Variants in AGBL1 observed in about 807,000 individuals in gnomAD.
AGBL1 encodes AGBL carboxypeptidase 1.
AGBL1 carries 130 observed loss-of-function variants against 118.9 expected under a neutral mutation model. The ratio of observed to expected loss-of-function variants is 1.09; its 90% CI spans 0.95 to 1.26. The LOEUF is 1.26. Among genes scored for constraint, AGBL1 ranks in the 50% most tolerant of loss-of-function variants. The probability of loss-of-function intolerance (pLI) is 0.00; values close to 1 mark genes in which losing one functional copy is unlikely to be tolerated. For missense variants in AGBL1, 1,584 were observed against 1,298.1 expected (o/e 1.22, Z -3.38); for synonymous variants, 555 against 478.9 (o/e 1.16, Z -2.08).
rs373055039 is a variant in AGBL1, at chr15:86,375,913, G to T, written c.2375-21453G>T. On this transcript the variant is annotated intron_variant, in intron 17 of 22. Coordinates refer to ENST00000614907, the MANE Select transcript of AGBL1 (RefSeq NM_001386094.1). ...GCTAGGCAGGGCTCATGTTGGGAAAGGAAGGGTGGAGTCCTATTTGACGCA... is the reference window on the plus strand; with the variant it reads ...GCTAGGCAGGGCTCATGTTGGGAAATGAAGGGTGGAGTCCTATTTGACGCA... Among the ~76,000 whole-genome samples, 34 of 152,354 alleles carry T rather than the reference G, an allele frequency of 2.2e-4. No homozygotes were observed. The South Asian group carries it at 7.0e-3, about 32-fold the overall frequency.
chr15:86,340,374 T>C (rs2080443843), intron 17 of AGBL1, among the ~76,000 whole-genome samples: 1 of 152,104 alleles, frequency 6.6e-6, no homozygotes, highest in Non-Finnish European at 1.5e-5. Context: ...TGAAATTAAT[T>C]AAGGGTCTTG....
intron 22 of AGBL1, among the ~76,000 whole-genome samples, chr15:86,763,090 T>C (rs997156381): frequency 6.6e-6 from 1 of 152,040 alleles, no homozygotes; most frequent in Admixed American, 6.6e-5. Context: ...TGTTTGGAGT[T>C]GCATTACTGT....
intron 21 of AGBL1, among the ~76,000 whole-genome samples, chr15:86,594,282 T>G (rs1212264338): frequency 6.6e-6 from 1 of 152,192 alleles, no homozygotes; most frequent in Non-Finnish European, 1.5e-5. Context: ...TATCTTTTCA[T>G]ATGTTGCTAG....
At chr15:86,482,230 C>T (rs1463548023) in intron 18 of AGBL1, among the ~76,000 whole-genome samples, 1 of 152,114 alleles carries the variant, frequency 6.6e-6, no homozygotes, top group East Asian at 1.9e-4. Context: ...CCTGAATGCT[C>T]AGGTGTAGTT....
chr15:86,507,292 C>T (rs1485713264), intron 18 of AGBL1, among the ~76,000 whole-genome samples: 1 of 152,066 alleles, frequency 6.6e-6, no homozygotes, highest in Non-Finnish European at 1.5e-5. Flanking sequence ...TCCATTAATA[C>T]CATATCTGTA....
intron 22 of AGBL1, among the ~76,000 whole-genome samples, chr15:86,759,953 G>C (rs1419904658): frequency 6.6e-6 from 1 of 152,014 alleles, no homozygotes. Flanking sequence ...TGAGGTGTGT[G>C]GTTATTTTTA....
chr15:86,361,564 T>C (rs2080805627), intron 17 of AGBL1, among the ~76,000 whole-genome samples: 1 of 152,124 alleles, frequency 6.6e-6, no homozygotes, highest in African/African-American at 2.4e-5. Context: ...CCTACTATTA[T>C]TGTGTTGATG....
In AGBL1 at chr15:86,494,819, A is replaced by G. The variant is rs536559284; in HGVS notation, c.2556-27991A>G. Among the ~76,000 whole-genome samples the G allele has an allele frequency of 7.0e-4, 106 of 152,194 alleles. 1 individual carries two copies. The highest frequency in any genetic ancestry group is 2.2e-3 in the African/African-American group (92 of 41,566). ...GGTATATCAGGAGCCATTATTACTC[A>G]TGTGTTTGTTTTGTTTTATTAAATA... is the stretch of plus-strand genomic sequence containing the variant. On this transcript the variant is annotated intron_variant, in intron 18 of 22. Transcript: ENST00000614907.
intron 22 of AGBL1, among the ~76,000 whole-genome samples, chr15:86,679,517 A>T (rs893930573): frequency 6.6e-6 from 1 of 152,044 alleles, no homozygotes; most frequent in East Asian, 1.9e-4. Context: ...AGTATCATTT[A>T]TAATTTTTGA....
At chr15:86,546,220 A>ATTT in intron 20 of AGBL1, 87 bp downstream of exon 20, 2 of 1,079,590 alleles carry the variant, frequency 1.9e-6, no homozygotes, top group Non-Finnish European at 2.4e-6. Context: ...TCATTTATTT[A>ATTT]GTTTTTTTTT....
chr15:86,634,129 G>A (rs2085036862), intron 21 of AGBL1, among the ~76,000 whole-genome samples: 1 of 152,052 alleles, frequency 6.6e-6, no homozygotes, highest in African/African-American at 2.4e-5. Context: ...GTAACGTGGT[G>A]AAATCACTTT....
At chr15:86,131,334 C>T (rs1431778077) in intron 1 of AGBL1, among the ~76,000 whole-genome samples, 2 of 152,118 alleles carry the variant, frequency 1.3e-5, no homozygotes, top group Non-Finnish European at 2.9e-5. Flanking sequence ...CTTGGTGGTA[C>T]ACATGACAAA....
intron 21 of AGBL1, among the ~76,000 whole-genome samples, chr15:86,576,152 A>C (rs930817705): frequency 6.6e-6 from 1 of 152,198 alleles, no homozygotes; most frequent in Non-Finnish European, 1.5e-5. Flanking sequence ...TGGGTAAATT[A>C]TTTATGCTTT....
At chr15:86,506,293 T>G (rs2082976464) in intron 18 of AGBL1, among the ~76,000 whole-genome samples, 1 of 152,032 alleles carries the variant, frequency 6.6e-6, no homozygotes, top group South Asian at 2.1e-4. Context: ...TCTAGAAATA[T>G]TTTAGAGCTT....
intron 18 of AGBL1, among the ~76,000 whole-genome samples, chr15:86,454,426 C>A (rs1465695216): frequency 6.6e-6 from 1 of 152,088 alleles, no homozygotes; most frequent in African/African-American, 2.4e-5. Context: ...TCCCCAAGAG[C>A]AATAAAAACA....
chr15:86,326,233 G>A (rs922430148), intron 17 of AGBL1, among the ~76,000 whole-genome samples: 6 of 151,880 alleles, frequency 4.0e-5, no homozygotes, highest in Non-Finnish European at 7.4e-5. Context: ...TAGACATAAT[G>A]TATACCCTTT....
rs138608425 is a variant in AGBL1 at position 86,779,475 on chromosome 15, T to C, written c.3158+105039T>C. 5.3e-5 allele frequency among the ~76,000 whole-genome samples: 8 copies of C among 152,342 alleles called. No homozygotes were observed. The East Asian group carries it at 1.5e-3, about 29-fold the overall frequency. On this transcript the variant is annotated intron_variant, in intron 22 of 22. Coordinates refer to ENST00000614907, the MANE Select transcript of AGBL1 (RefSeq NM_001386094.1). ...GAAATCTCAGTGGGCATTTGGATAG[T>C]TTCTAGTGGGGGACCATTATAAATA...
chr15:86,220,886 G>A (rs888631171), intron 5 of AGBL1, among the ~76,000 whole-genome samples: 2 of 152,020 alleles, frequency 1.3e-5, no homozygotes, highest in Non-Finnish European at 2.9e-5. Context: ...TAAGAAAACA[G>A]TGCCCTCCCA....
intron 17 of AGBL1, among the ~76,000 whole-genome samples, chr15:86,364,473 T>TA (rs1208578189): frequency 3.3e-5 from 5 of 152,204 alleles, no homozygotes. Flanking sequence ...CACCTACTCG[T>TA]ACCACATGAA....
Sources: gnomAD v4.1 joint callset for allele counts (sites outside exome capture counted in the v4.1 genomes callset) on GRCh38, gnomAD v4.1.1 for gene constraint, MANE v1.5 for transcripts, NCBI Gene and HGNC (gene_info 2026-07-23, HGNC 2026-07-21) for gene names.